RARS1: variants seen among roughly 807,000 people sequenced by gnomAD.
RARS1 encodes arginine--tRNA ligase, cytoplasmic.
RARS1 carries 75 observed loss-of-function variants against 78.7 expected under a neutral mutation model. That is an observed-to-expected ratio of 0.95 (90% CI 0.79 to 1.15). RARS1 has a LOEUF of 1.15. Ranked by LOEUF, RARS1 falls within the 50% of genes most tolerant of loss-of-function variation. The pLI is 0.00. For synonymous variants in RARS1, 273 were observed against 268.2 expected (o/e 1.02, Z -0.18); for missense variants, 787 against 787.5 (o/e 1.00, Z 0.01).
intron 14 of RARS1, among the ~76,000 whole-genome samples, 184 bp downstream of exon 14, chr5:168,518,246 C>T (rs1289881274): frequency 6.6e-6 from 1 of 151,444 alleles, no homozygotes; most frequent in Non-Finnish European, 1.5e-5. Flanking sequence ...CCACTGCACC[C>T]AGCTCCAAGT....
intron 9 of RARS1, among the ~76,000 whole-genome samples, chr5:168,502,384 A>ATATATATATATATATATATATATTTT (rs1280220276): frequency 1.6e-5 from 2 of 127,248 alleles, no homozygotes; most frequent in African/African-American, 6.3e-5. Context: ...ATATATATAT[A>ATATATATATATATATATATATATTTT]TTTTTTTTTT....
At chr5:168,488,029 A>G (rs1489314028) in intron 1 of RARS1, 2 of 168,756 alleles carry the variant, frequency 1.2e-5, no homozygotes, top group Non-Finnish European at 2.6e-5. Context: ...CGAGCCAAAG[A>G]AAAGAACTAG....
rs1221705530 is a variant in RARS1 at position 168,495,393 on chromosome 5, A to G, written c.658A>G (p.Ser220Gly). 3 of 1,613,918 alleles carry G rather than the reference A, an allele frequency of 1.9e-6. No individual in the cohort carries two copies. Among genetic ancestry groups the G allele is most frequent in the Non-Finnish European group, 2.5e-6 (3 of 1,179,952 alleles). ...CCTGAGGTCAACTATCATAGGAGAG[A>G]GTATAAGCCGCCTCTTTGAATTTGC... is the stretch of plus-strand genomic sequence containing the variant. ...GHLRSTIIGE[S>G]ISRLFEFAGY... is the part of the protein sequence containing the mutation. The change falls in exon 6 of 15, where the codon AGT becomes GGT. Residue 220 changes from serine (S) to glycine (G), a missense_variant. Coordinates refer to ENST00000231572, the MANE Select transcript of RARS1 (RefSeq NM_002887.4).
At position 168,488,738 on chromosome 5, in the gene RARS1, T is replaced by C. The variant is rs778874286; in HGVS notation, c.180+2T>C. The C allele has an allele frequency of 1.1e-5, 17 of 1,597,078 alleles. No homozygotes were observed. The Admixed American group carries it at 1.8e-4, about 17-fold the overall frequency. On this transcript the variant is annotated splice_donor_variant, in intron 2 of 14. Coordinates refer to ENST00000231572, the MANE Select transcript of RARS1 (RefSeq NM_002887.4). LOFTEE classifies it high-confidence loss of function. ...TATCGACTGAATATTCTTCGAAAGGTGAGTACTTTGGGTTCCAGTTTTATT... is the reference window on the plus strand; with the variant it reads ...TATCGACTGAATATTCTTCGAAAGGCGAGTACTTTGGGTTCCAGTTTTATT...
At chr5:168,505,261 T>C (rs1256725886) in intron 9 of RARS1, among the ~76,000 whole-genome samples, 2 of 112,278 alleles carry the variant, frequency 1.8e-5, no homozygotes, top group Non-Finnish European at 3.6e-5. Flanking sequence ...CTTAGCATAG[T>C]ACTTGGCACA....
intron 12 of RARS1, among the ~76,000 whole-genome samples, chr5:168,515,038 A>C (rs770971291): frequency 6.6e-6 from 1 of 152,158 alleles, no homozygotes; most frequent in Non-Finnish European, 1.5e-5. Flanking sequence ...TAGAGTTCTT[A>C]TCAGTTCATA....
At chr5:168,502,163 G>A (rs1426869360) in intron 9 of RARS1, 58 bp downstream of exon 9, 41 of 1,559,980 alleles carry the variant, frequency 2.6e-5, no homozygotes, top group East Asian at 2.1e-4. Context: ...GGCAAAAGTG[G>A]ATAGAATTTA....
At chr5:168,496,673 G>A (rs1203023566) in intron 6 of RARS1, among the ~76,000 whole-genome samples, 3 of 151,660 alleles carry the variant, frequency 2.0e-5, no homozygotes, top group Non-Finnish European at 4.4e-5. Flanking sequence ...TAGTAGAGAC[G>A]GGGTTTCACC....
chr5:168,518,069 G>GTTTTTTTTTTTTTTTTTTTTTTT lies in RARS1; in HGVS notation c.1873+8_1873+9insTTTTTTTTTTTTTTTTTTTTTTT, dbSNP rs772589730. 3.0e-6 allele frequency: 2 copies of GTTTTTTTTTTTTTTTTTTTTTTT among 675,688 alleles called. No individual in the cohort carries two copies. Among genetic ancestry groups the GTTTTTTTTTTTTTTTTTTTTTTT allele is most frequent in the Non-Finnish European group, 3.7e-6 (2 of 533,958 alleles). The allele number at this position is 675,688 out of a possible 1,614,324, so 41.9% of individuals were successfully genotyped here. A position where few individuals can be genotyped will look rare whatever the true frequency, so the allele number is the denominator to read the frequency against. ...GAGAAAGATAGACAGACTGGTGAGT[G>GTTTTTTTTTTTTTTTTTTTTTTT]TCTTTTTTTTTTTTTTTTTTTTTTT... On this transcript the variant is annotated splice_region_variant and intron_variant, in intron 14 of 14. Transcript: ENST00000231572.
intron 7 of RARS1, among the ~76,000 whole-genome samples, chr5:168,498,367 G>A (rs745886256): frequency 1.3e-5 from 2 of 152,072 alleles, no homozygotes; most frequent in Non-Finnish European, 2.9e-5. Flanking sequence ...ATGATTAAAT[G>A]TATGTAAAAA....
chr5:168,497,074 C>G, intron 6 of RARS1, 154 bp from the exon 7 acceptor site: 2 of 537,772 alleles, frequency 3.7e-6, no homozygotes, highest in East Asian at 6.8e-5. Context: ...GTTTGCAGAC[C>G]AGTTGAAGAA....
intron 12 of RARS1, among the ~76,000 whole-genome samples, chr5:168,513,069 A>G (rs544576642): frequency 1.0e-4 from 15 of 149,914 alleles, no homozygotes; most frequent in African/African-American, 3.2e-4. Context: ...TTTTTGAGAC[A>G]GAGTCTCGCT....
intron 11 of RARS1, 118 bp from the exon 12 acceptor site, chr5:168,510,463 T>C (rs989088594): frequency 4.0e-6 from 3 of 741,238 alleles, no homozygotes; most frequent in Non-Finnish European, 4.6e-6. Context: ...ATATGTACCT[T>C]AGAGATTTAA....
In RARS1 at chr5:168,508,745, A is replaced by G. The variant is rs184571784; in HGVS notation, c.1347-1836A>G. ...ATTTTCTGTTTTAATTTTTTGAATG[A>G]TAATTTTTTTTTAATTTCATCATCT... is the stretch of plus-strand genomic sequence containing the variant. On this transcript the variant is annotated intron_variant, in intron 11 of 14. Coordinates refer to ENST00000231572, the MANE Select transcript of RARS1 (RefSeq NM_002887.4). Among the ~76,000 whole-genome samples the G allele has an allele frequency of 5.1e-4, 77 of 151,060 alleles. 1 individual carries two copies. The East Asian group carries it at 0.014, about 27-fold the overall frequency.
chr5:168,502,384 A>ATTTTTTTTTTTTT (rs759302320), intron 9 of RARS1, among the ~76,000 whole-genome samples: 19 of 127,230 alleles, frequency 1.5e-4, no homozygotes, highest in African/African-American at 5.7e-4. Context: ...ATATATATAT[A>ATTTTTTTTTTTTT]TTTTTTTTTT....
intron 14 of RARS1, 123 bp downstream of exon 14, chr5:168,518,185 G>C: frequency 8.4e-7 from 1 of 1,192,522 alleles, no homozygotes. Context: ...CTGGCCTCAA[G>C]TGATTCTCCC....
intron 6 of RARS1, among the ~76,000 whole-genome samples, chr5:168,496,386 A>G (rs2152904058): frequency 6.6e-6 from 1 of 151,654 alleles, no homozygotes; most frequent in East Asian, 2.0e-4. Flanking sequence ...GTCAAAAAAA[A>G]AAAAAAAACA....
At position 168,502,384 on chromosome 5, in the gene RARS1, A is replaced by ATATATATT. The variant is rs1280220276; in HGVS notation, c.1057+280_1057+281insATATATTT. Among the ~76,000 whole-genome samples, 6 of 127,234 alleles carry ATATATATT rather than the reference A, an allele frequency of 4.7e-5. No homozygotes were observed. The South Asian group carries it at 1.5e-3, about 32-fold the overall frequency. The allele number at this position is 127,234 out of a possible 152,430, so 83.5% of individuals were successfully genotyped here. A position where few individuals can be genotyped will look rare whatever the true frequency, so the allele number is the denominator to read the frequency against. On this transcript the variant is annotated intron_variant, in intron 9 of 14. Transcript: ENST00000231572. ...CAAATATATATATATATATATATAT[A>ATATATATT]TTTTTTTTTTTTAAAACAATCTTGC...
At chr5:168,490,811 T>C (rs1431904999) in intron 2 of RARS1, among the ~76,000 whole-genome samples, 2 of 152,118 alleles carry the variant, frequency 1.3e-5, no homozygotes, top group East Asian at 3.8e-4. Flanking sequence ...CACACATACA[T>C]ATGTACATGG....
Sources: allele counts gnomAD v4.1 joint callset (sites outside exome capture counted in the v4.1 genomes callset), GRCh38; gene constraint gnomAD v4.1.1; transcripts MANE v1.5; gene names NCBI Gene and HGNC (gene_info 2026-07-23, HGNC 2026-07-21).